CHSY3: variants seen among roughly 807,000 people sequenced by gnomAD.
CHSY3 encodes the protein chondroitin sulfate synthase 3.
A neutral mutation model predicts 67.2 loss-of-function variants in CHSY3; 35 were observed. The ratio of observed to expected loss-of-function variants is 0.52; its 90% CI spans 0.40 to 0.69. The LOEUF (loss-of-function observed/expected upper bound fraction) is 0.69, where lower values mean the gene tolerates loss of function less well. Ranked by LOEUF, CHSY3 falls within the 30% of genes least tolerant of loss-of-function variation. The probability of loss-of-function intolerance (pLI) is 0.00; values close to 1 mark genes in which losing one functional copy is unlikely to be tolerated. For synonymous variants in CHSY3, 474 were observed against 434.7 expected (o/e 1.09, Z -1.12); for missense variants, 1,069 against 1,138.5 (o/e 0.94, Z 0.88).
chr5:130,113,431 A>G (rs1243845484), intron 2 of CHSY3, among the ~76,000 whole-genome samples: 1 of 152,194 alleles, frequency 6.6e-6, no homozygotes, highest in Admixed American at 6.5e-5. Flanking sequence ...AAATGTCACA[A>G]TATGTATTTA....
chr5:129,914,643 C>G (rs1760680088), intron 2 of CHSY3, among the ~76,000 whole-genome samples: 1 of 152,168 alleles, frequency 6.6e-6, no homozygotes, highest in South Asian at 2.1e-4. Context: ...CAGATGAAAT[C>G]ATCATGCATC....
intron 2 of CHSY3, among the ~76,000 whole-genome samples, chr5:130,058,308 T>C (rs76080118): frequency 0.018 from 2,715 of 152,242 alleles, 79 homozygotes; most frequent in African/African-American, 0.062. Context: ...AAAGATGATA[T>C]CATACAATAT....
chr5:129,948,297 T>C (rs1761921442), intron 2 of CHSY3, among the ~76,000 whole-genome samples: 1 of 152,198 alleles, frequency 6.6e-6, no homozygotes, highest in African/African-American at 2.4e-5. Flanking sequence ...AAGTAGTATA[T>C]GTTATACCCA....
intron 2 of CHSY3, among the ~76,000 whole-genome samples, chr5:130,005,783 A>G (rs942385465): frequency 1.3e-5 from 2 of 152,232 alleles, no homozygotes; most frequent in African/African-American, 2.4e-5. Flanking sequence ...TTTGAATGTC[A>G]TTCTGTCTGA....
chr5:130,110,110 TG>T (rs1767543921), intron 2 of CHSY3, among the ~76,000 whole-genome samples: 1 of 151,928 alleles, frequency 6.6e-6, no homozygotes, highest in South Asian at 2.1e-4. Flanking sequence ...AGAGCAAACC[TG>T]GCTGCTTCTG....
At chr5:130,034,501 T>C (rs907240365) in intron 2 of CHSY3, among the ~76,000 whole-genome samples, 4 of 152,162 alleles carry the variant, frequency 2.6e-5, no homozygotes, top group Non-Finnish European at 5.9e-5. Context: ...ATTGGTTTCC[T>C]TTCAAAACCA....
At chr5:130,023,762 C>A (rs1331469541) in intron 2 of CHSY3, among the ~76,000 whole-genome samples, 1 of 151,902 alleles carries the variant, frequency 6.6e-6, no homozygotes, top group Non-Finnish European at 1.5e-5. Context: ...ACACCCTCCA[C>A]CCTTTTCTGT....
chr5:130,075,195 A>T (rs1289594929), intron 2 of CHSY3, among the ~76,000 whole-genome samples: 2 of 152,166 alleles, frequency 1.3e-5, no homozygotes, highest in East Asian at 3.9e-4. Flanking sequence ...CATCCAACTC[A>T]TTATTCTCCT....
intron 2 of CHSY3, among the ~76,000 whole-genome samples, chr5:130,093,022 C>A (rs998066187): frequency 2.0e-5 from 3 of 152,128 alleles, no homozygotes; most frequent in Non-Finnish European, 4.4e-5. Flanking sequence ...TAGAAAGGAA[C>A]TCAGATAAAA....
chr5:130,100,094 A>G (rs1226617611), intron 2 of CHSY3, among the ~76,000 whole-genome samples: 1 of 152,194 alleles, frequency 6.6e-6, no homozygotes, highest in Non-Finnish European at 1.5e-5. Flanking sequence ...TAATGAGGGA[A>G]TATTTTTATG....
intron 2 of CHSY3, among the ~76,000 whole-genome samples, chr5:130,079,693 C>A (rs895937897): frequency 1.3e-5 from 2 of 152,048 alleles, no homozygotes; most frequent in Non-Finnish European, 2.9e-5. Context: ...AAGTCTTGTT[C>A]TTTTATCTGC....
At chr5:130,116,148 A>T (rs1244864404) in intron 2 of CHSY3, among the ~76,000 whole-genome samples, 1 of 152,154 alleles carries the variant, frequency 6.6e-6, no homozygotes, top group Non-Finnish European at 1.5e-5. Context: ...CTTTCTGGGA[A>T]GTTTTAAGAT....
chr5:130,055,054 A>G (rs1464010146), intron 2 of CHSY3, among the ~76,000 whole-genome samples: 1 of 151,686 alleles, frequency 6.6e-6, no homozygotes, highest in African/African-American at 2.4e-5. Context: ...TTGTATCACT[A>G]CTCTTCACCC....
intron 2 of CHSY3, among the ~76,000 whole-genome samples, chr5:129,970,360 A>T (rs1762602687): frequency 6.6e-6 from 1 of 151,478 alleles, no homozygotes; most frequent in Non-Finnish European, 1.5e-5. Context: ...AGATGGATGG[A>T]TGGATGCATG....
chr5:130,036,619 G>C (rs1015986120), intron 2 of CHSY3, among the ~76,000 whole-genome samples: 5 of 152,110 alleles, frequency 3.3e-5, no homozygotes, highest in Non-Finnish European at 7.4e-5. Flanking sequence ...CTACAGATCT[G>C]GGCTCCAATC....
chr5:129,992,882 G>A (rs1763410383), intron 2 of CHSY3, among the ~76,000 whole-genome samples: 1 of 152,134 alleles, frequency 6.6e-6, no homozygotes, highest in Non-Finnish European at 1.5e-5. Context: ...TAAAGCAGTA[G>A]TTTTTGATTG....
intron 2 of CHSY3, among the ~76,000 whole-genome samples, chr5:130,047,766 C>CT (rs1343316372): frequency 6.6e-6 from 1 of 151,938 alleles, no homozygotes; most frequent in Non-Finnish European, 1.5e-5. Flanking sequence ...ATTTTAATCA[C>CT]TTTTTTCATT....
intron 2 of CHSY3, among the ~76,000 whole-genome samples, chr5:129,928,772 A>G (rs1013444813): frequency 2.6e-5 from 4 of 152,176 alleles, no homozygotes; most frequent in Admixed American, 2.0e-4. Context: ...ATTTATATTG[A>G]TATGTAGCTA....
chr5:130,127,155 A>T (rs1458952791), intron 2 of CHSY3, among the ~76,000 whole-genome samples: 4 of 152,236 alleles, frequency 2.6e-5, no homozygotes, highest in Non-Finnish European at 4.4e-5. Context: ...ATGGACAAAA[A>T]TGCCGTAACA....
Sources: gnomAD v4.1 joint callset for allele counts (sites outside exome capture counted in the v4.1 genomes callset) on GRCh38, gnomAD v4.1.1 for gene constraint, MANE v1.5 for transcripts, NCBI Gene and HGNC (gene_info 2026-07-23, HGNC 2026-07-21) for gene names.